LRRFIP1: variants seen among roughly 807,000 people sequenced by gnomAD.
LRRFIP1 encodes the protein leucine-rich repeat flightless-interacting protein 1.
In LRRFIP1, 62 loss-of-function variants were observed where a neutral mutation model predicts 104.4. That is an observed-to-expected ratio of 0.59 (90% CI 0.48 to 0.73). The LOEUF (loss-of-function observed/expected upper bound fraction) is 0.73, where lower values mean the gene tolerates loss of function less well. Ranked by LOEUF, LRRFIP1 falls within the 30% of genes least tolerant of loss-of-function variation. LRRFIP1 has a pLI of 0.00. For synonymous variants in LRRFIP1, 300 were observed against 299.0 expected, an observed-to-expected ratio of 1.00 and a Z score of -0.03; for missense variants, 796 against 824.5, an observed-to-expected ratio of 0.97 and a Z score of 0.42.
At chr2:237,757,385 G>A (rs2059379710) in intron 16 of LRRFIP1, 71 bp from the exon 17 acceptor site, 1 of 986,382 alleles carries the variant, frequency 1.0e-6, no homozygotes, top group Non-Finnish European at 1.5e-6. Context: ...CAGCTCTCAG[G>A]TTCTCTCTCG....
intron 1 of LRRFIP1, among the ~76,000 whole-genome samples, chr2:237,668,106 C>T (rs947404222): frequency 4.5e-4 from 69 of 152,166 alleles, no homozygotes; most frequent in Non-Finnish European, 5.9e-5. Flanking sequence ...TCTCATCCCC[C>T]CACCTCAGAG....
At chr2:237,731,327 G>A (rs1207361017) in intron 8 of LRRFIP1, among the ~76,000 whole-genome samples, 2 of 151,994 alleles carry the variant, frequency 1.3e-5, no homozygotes, top group Non-Finnish European at 2.9e-5. Flanking sequence ...TCTTGCCAGG[G>A]CACTTCTTCC....
At chr2:237,658,996 G>A (rs538651143) in intron 1 of LRRFIP1, among the ~76,000 whole-genome samples, 30 of 152,162 alleles carry the variant, frequency 2.0e-4, no homozygotes, top group Admixed American at 6.5e-4. Context: ...GGTACAAAAC[G>A]GAAAATGCAG....
At chr2:237,779,086 G>C (rs1576476257) in intron 23 of LRRFIP1, among the ~76,000 whole-genome samples, 1 of 152,098 alleles carries the variant, frequency 6.6e-6, no homozygotes. Context: ...ACTGAGGGTG[G>C]TGGCGCACAC....
At chr2:237,670,085 G>A (rs1007564577) in intron 1 of LRRFIP1, among the ~76,000 whole-genome samples, 3 of 152,248 alleles carry the variant, frequency 2.0e-5, no homozygotes, top group Non-Finnish European at 4.4e-5. Flanking sequence ...AAAGGAAAAC[G>A]TAATGCATAT....
At chr2:237,667,062 C>A (rs948379870) in intron 1 of LRRFIP1, among the ~76,000 whole-genome samples, 2 of 151,304 alleles carry the variant, frequency 1.3e-5, no homozygotes, top group Admixed American at 6.6e-5. Context: ...GAAGAACATG[C>A]AGGTTTGTTA....
At chr2:237,767,320 T>C (rs1253563720) in intron 19 of LRRFIP1, among the ~76,000 whole-genome samples, 1 of 152,198 alleles carries the variant, frequency 6.6e-6, no homozygotes, top group Non-Finnish European at 1.5e-5. Context: ...CTGCCAGCCA[T>C]ATCCCCAGAC....
At chr2:237,647,590 C>T (rs1311816881) in intron 1 of LRRFIP1, among the ~76,000 whole-genome samples, 4 of 152,080 alleles carry the variant, frequency 2.6e-5, no homozygotes, top group African/African-American at 9.6e-5. Context: ...CGGGCACTCG[C>T]TGCATGCAGG....
rs1212556379 is a variant in LRRFIP1 at position 237,780,633 on chromosome 2, C to T, written c.*1101C>T. Reference sequence around the variant, plus strand: ...GGTGAAGCCAGTCAGCTTTTCGGGACGTTAGCAAGTGGAAACTGAGTCAGT... The same window carrying T: ...GGTGAAGCCAGTCAGCTTTTCGGGATGTTAGCAAGTGGAAACTGAGTCAGT... On this transcript the variant is annotated 3_prime_UTR_variant, in exon 24 of 24. Transcript: ENST00000308482. 2.6e-5 allele frequency among the ~76,000 whole-genome samples: 4 copies of T among 152,214 alleles called. No homozygotes were observed. Among genetic ancestry groups the T allele is most frequent in the East Asian group, 1.9e-4 (1 of 5,178 alleles).
intron 2 of LRRFIP1, among the ~76,000 whole-genome samples, chr2:237,713,916 T>C (rs1436815397): frequency 6.6e-6 from 1 of 152,222 alleles, no homozygotes; most frequent in Admixed American, 6.5e-5. Context: ...ATTAAACTTT[T>C]ATTACCGCAA....
intron 7 of LRRFIP1, among the ~76,000 whole-genome samples, chr2:237,726,550 C>T (rs1196273388): frequency 1.3e-5 from 2 of 152,186 alleles, no homozygotes; most frequent in African/African-American, 4.8e-5. Flanking sequence ...TCATTTAATC[C>T]TCACGATGGC....
intron 6 of LRRFIP1, chr2:237,722,281 A>G (rs1342736714): frequency 1.3e-5 from 2 of 152,118 alleles, no homozygotes; most frequent in Non-Finnish European, 2.9e-5. Context: ...AAAATGCATC[A>G]TTTTCAGAGC....
chr2:237,742,944 C>G (rs2150505452), intron 11 of LRRFIP1, among the ~76,000 whole-genome samples: 1 of 152,114 alleles, frequency 6.6e-6, no homozygotes, highest in African/African-American at 2.4e-5. Context: ...CTTGGGACAT[C>G]TAGCTGGGCA....
At chr2:237,632,627 G>A (rs999264927) in intron 1 of LRRFIP1, among the ~76,000 whole-genome samples, 1 of 152,136 alleles carries the variant, frequency 6.6e-6, no homozygotes. Context: ...TGTGCGGAGG[G>A]AGCCTGTCTC....
At chr2:237,704,173 G>A (rs1462773894) in intron 1 of LRRFIP1, among the ~76,000 whole-genome samples, 5 of 131,322 alleles carry the variant, frequency 3.8e-5, no homozygotes, top group African/African-American at 1.4e-4. Flanking sequence ...TTTTTTTCAA[G>A]GCAGAGTCTC....
chr2:237,671,813 T>A (rs1317367355), intron 1 of LRRFIP1, among the ~76,000 whole-genome samples: 1 of 150,418 alleles, frequency 6.6e-6, no homozygotes, highest in Non-Finnish European at 1.5e-5. Flanking sequence ...TGTGCCTGCA[T>A]GTGTGTGTGC....
chr2:237,645,808 A>C (rs3795906), intron 1 of LRRFIP1, among the ~76,000 whole-genome samples: 2 of 151,612 alleles, frequency 1.3e-5, no homozygotes, highest in Non-Finnish European at 2.9e-5. Context: ...GAGCAGACTA[A>C]GAAAGATGAA....
chr2:237,721,654 G>A (rs769954701), intron 6 of LRRFIP1: 1 of 152,250 alleles, frequency 6.6e-6, no homozygotes, highest in Non-Finnish European at 1.5e-5. Context: ...CTTCACTGTG[G>A]CAATTAAATC....
At position 237,736,525 on chromosome 2, in the gene LRRFIP1, C is replaced by T. The variant is rs554119849; in HGVS notation, c.555+1192C>T. On this transcript the variant is annotated intron_variant, in intron 10 of 23. Transcript: ENST00000308482. ...GCACCAGGTGGTTTTCTGGTGGCTT[C>T]AGTAGAGAGTCTAAGATCTGGCAGG... Among the ~76,000 whole-genome samples, 56 of 152,262 alleles carry T rather than the reference C, an allele frequency of 3.7e-4. No individual in the cohort carries two copies. In the South Asian group the frequency reaches 0.011, roughly 31 times the overall value.
Sources: gnomAD v4.1 joint callset for allele counts (sites outside exome capture counted in the v4.1 genomes callset) on GRCh38, gnomAD v4.1.1 for gene constraint, MANE v1.5 for transcripts, NCBI Gene and HGNC (gene_info 2026-07-23, HGNC 2026-07-21) for gene names.